The following MANBA variants were observed in gnomAD, a reference collection of about 807,000 sequenced individuals.
The protein encoded by MANBA is mannosidase beta, also known as beta-mannosidase.
In MANBA, 83 loss-of-function variants were observed where a neutral mutation model predicts 111.1. The observed-to-expected ratio is 0.75, with a 90% CI of 0.63 to 0.90. MANBA has a LOEUF of 0.90. Among genes scored for constraint, MANBA ranks in the 40% least tolerant of loss-of-function variants. The probability of loss-of-function intolerance (pLI) is 0.00; values close to 1 mark genes in which losing one functional copy is unlikely to be tolerated. For synonymous variants in MANBA, 370 were observed against 378.7 expected (o/e 0.98, Z 0.27); for missense variants, 1,036 against 1,069.0 (o/e 0.97, Z 0.43).
intron 5 of MANBA, among the ~76,000 whole-genome samples, chr4:102,709,324 GAA>G (rs766022646): frequency 1.3e-5 from 1 of 75,742 alleles, no homozygotes; most frequent in East Asian, 3.1e-4. Flanking sequence ...GAAAAGAAAA[GAA>G]AAAGAAAGGA....
chr4:102,652,580 A>T (rs764912714), intron 12 of MANBA, among the ~76,000 whole-genome samples: 1 of 152,138 alleles, frequency 6.6e-6, no homozygotes, highest in Non-Finnish European at 1.5e-5. Context: ...AAAAAAGAAT[A>T]TTAACTTATT....
rs1730003644 is a variant in MANBA, at chr4:102,644,233, C to A, written c.1870-4376G>T. ...ATTATGCAAAACAGTATGGAGGCTTCCCAAACTATTAAAAATAGAACTACT... is the reference window on the plus strand; with the variant it reads ...ATTATGCAAAACAGTATGGAGGCTTACCAAACTATTAAAAATAGAACTACT... On this transcript the variant is annotated intron_variant, in intron 13 of 16. Coordinates refer to ENST00000647097, the MANE Select transcript of MANBA (RefSeq NM_005908.4). 2.0e-5 allele frequency among the ~76,000 whole-genome samples: 3 copies of A among 152,086 alleles called. No homozygotes were observed. The South Asian group carries it at 6.2e-4, about 32-fold the overall frequency.
chr4:102,706,595 C>T (rs1450234868), intron 5 of MANBA, among the ~76,000 whole-genome samples: 1 of 151,532 alleles, frequency 6.6e-6, no homozygotes, highest in Non-Finnish European at 1.5e-5. Flanking sequence ...AATAATTATC[C>T]AACAACAGAT....
chr4:102,669,781 C>A (rs189460369), intron 9 of MANBA, among the ~76,000 whole-genome samples: 59 of 152,250 alleles, frequency 3.9e-4, no homozygotes, highest in African/African-American at 1.4e-3. Context: ...GAGATCGAGA[C>A]CATCCTGGCT....
At chr4:102,637,585 A>G (rs183603876) in intron 14 of MANBA, among the ~76,000 whole-genome samples, 9 of 152,312 alleles carry the variant, frequency 5.9e-5, no homozygotes, top group Admixed American at 5.9e-4. Flanking sequence ...GCCCAAGAGG[A>G]CAGAGTTCAA....
At chr4:102,684,459 A>ACATGC (rs1732117716) in intron 7 of MANBA, among the ~76,000 whole-genome samples, 1 of 152,210 alleles carries the variant, frequency 6.6e-6, no homozygotes, top group Admixed American at 6.5e-5. Flanking sequence ...CTCCCAGCAG[A>ACATGC]CATGCCGTTG....
At position 102,664,845 on chromosome 4, in the gene MANBA, C is replaced by T; in HGVS notation, c.1325G>A (p.Arg442Lys). 6.2e-7 allele frequency: 1 copy of T among 1,600,794 alleles called. No individual in the cohort carries two copies. The highest frequency in any genetic ancestry group is 1.1e-5 in the South Asian group (1 of 90,800). Residue 442 changes from arginine (R) to lysine (K), a missense_variant, in exon 11 of 17, where the codon AGA (arginine) becomes AAA (lysine). By Grantham distance (26) the Arg-to-Lys change is conservative. Coordinates refer to ENST00000647097, the MANE Select transcript of MANBA (RefSeq NM_005908.4). Reference sequence around the variant, plus strand: ...GATGATAGAAGGATGAGATTTCAGTCTCTTGATCTGAAAATTAAGAAAACA... The same window carrying T: ...GATGATAGAAGGATGAGATTTCAGTTTCTTGATCTGAAAATTAAGAAAACA... ...VTAEVAYQIK[R>K]LKSHPSIIIW...
chr4:102,751,814 T>C (rs181461740), intron 1 of MANBA: 14 of 510,106 alleles, frequency 2.7e-5, no homozygotes, highest in African/African-American at 2.5e-4. Context: ...TTGTTGGACA[T>C]AGGGATGTCT....
At chr4:102,712,523 A>ATT (rs1722120105) in intron 5 of MANBA, among the ~76,000 whole-genome samples, 1 of 120,660 alleles carries the variant, frequency 8.3e-6, no homozygotes, top group Non-Finnish European at 1.7e-5. Context: ...AAATCGGACC[A>ATT]CTTTTTTTTT....
Position 102,729,028 on chromosome 4 carries a change from C to T in MANBA, c.178-2345G>A, listed in dbSNP as rs1722921632. The T allele has an allele frequency of 5.2e-6, 5 of 966,112 alleles. No homozygotes were observed. In the South Asian group the frequency reaches 6.4e-5, roughly 12 times the overall value. 59.8% of individuals were successfully genotyped at this position (966,112 alleles called of 1,614,324 possible). A position where few individuals can be genotyped will look rare whatever the true frequency, so the allele number is the denominator to read the frequency against. On this transcript the variant is annotated intron_variant, in intron 1 of 16. Coordinates refer to ENST00000647097, the MANE Select transcript of MANBA (RefSeq NM_005908.4). ...AGGTGGCTATCTCGATGTCCAGGGC[C>T]AGCTTGATGTTCATCAGTTCCTGGT...
intron 5 of MANBA, among the ~76,000 whole-genome samples, chr4:102,706,405 A>G (rs1474139534): frequency 3.3e-5 from 5 of 152,252 alleles, no homozygotes; most frequent in Admixed American, 6.5e-5. Context: ...ACTCAAAATC[A>G]AAGCAAAAGT....
chr4:102,633,818 A>G (rs13106304), intron 16 of MANBA, among the ~76,000 whole-genome samples: 83,269 of 151,360 alleles, frequency 0.55, 23,329 homozygotes, highest in African/African-American at 0.63. Context: ...TAAGACTGTC[A>G]TTTTCTTCTG....
At chr4:102,737,725 G>A (rs909364018) in intron 1 of MANBA, among the ~76,000 whole-genome samples, 10 of 152,192 alleles carry the variant, frequency 6.6e-5, no homozygotes, top group Admixed American at 3.3e-4. Flanking sequence ...CTCGTGATCC[G>A]CCCGCCTCGG....
chr4:102,755,134 T>C (rs938416395), intron 1 of MANBA, among the ~76,000 whole-genome samples: 1 of 152,138 alleles, frequency 6.6e-6, no homozygotes, highest in East Asian at 1.9e-4. Flanking sequence ...AAAGTTCATA[T>C]GGAACCCAAA....
chr4:102,680,594 A>AT, intron 7 of MANBA, among the ~76,000 whole-genome samples: 1 of 152,156 alleles, frequency 6.6e-6, no homozygotes, highest in African/African-American at 2.4e-5. Flanking sequence ...AAAAAAAAAA[A>AT]TCACACAGGA....
At chr4:102,700,215 C>A (rs1184341830) in intron 5 of MANBA, among the ~76,000 whole-genome samples, 1 of 151,794 alleles carries the variant, frequency 6.6e-6, no homozygotes, top group Non-Finnish European at 1.5e-5. Flanking sequence ...TCCCCTTTAT[C>A]ATTTTTTATT....
intron 12 of MANBA, among the ~76,000 whole-genome samples, chr4:102,656,203 G>A (rs78955300): frequency 0.02 from 3,018 of 152,138 alleles, 40 homozygotes; most frequent in Non-Finnish European, 0.023. Flanking sequence ...GCAGTGAGCC[G>A]TGACCACTCC....
In MANBA at chr4:102,647,638, T is replaced by C. The variant is rs184137922; in HGVS notation, c.1869+2899A>G. On this transcript the variant is annotated intron_variant, in intron 13 of 16. Transcript: ENST00000647097. ...TAACAGAGTATTATCTGTGGAAAACTTGAAAGATAAAGTGCAACACTTTTC... is the reference window on the plus strand; with the variant it reads ...TAACAGAGTATTATCTGTGGAAAACCTGAAAGATAAAGTGCAACACTTTTC... 2.1e-3 allele frequency among the ~76,000 whole-genome samples: 323 copies of C among 152,138 alleles called. 1 individual carries two copies. The highest frequency in any genetic ancestry group is 7.6e-3 in the African/African-American group (314 of 41,524).
intron 1 of MANBA, chr4:102,751,774 G>A (rs1046560941): frequency 4.0e-5 from 21 of 525,532 alleles, no homozygotes; most frequent in Non-Finnish European, 6.6e-5. Flanking sequence ...TCTCAAATCC[G>A]GTCCTTGGAA....
Sources: gnomAD v4.1 joint callset for allele counts (sites outside exome capture counted in the v4.1 genomes callset) on GRCh38, gnomAD v4.1.1 for gene constraint, MANE v1.5 for transcripts, NCBI Gene and HGNC (gene_info 2026-07-23, HGNC 2026-07-21) for gene names.